The following UTRN variants were observed in gnomAD, a reference collection of about 807,000 sequenced individuals.
UTRN encodes the protein utrophin.
A neutral mutation model predicts 463.9 loss-of-function variants in UTRN; 283 were observed. The observed-to-expected ratio is 0.61, with a 90% confidence interval of 0.55 to 0.67. UTRN has a LOEUF of 0.67. Among genes scored for constraint, UTRN ranks in the 30% least tolerant of loss-of-function variants. The probability of loss-of-function intolerance (pLI) is 0.00; values close to 1 mark genes in which losing one functional copy is unlikely to be tolerated. For synonymous variants in UTRN, 1,442 were observed against 1,431.5 expected (o/e 1.01, Z -0.17); for missense variants, 3,922 against 4,084.3 (o/e 0.96, Z 1.08).
intron 12 of UTRN, 57 bp downstream of exon 12, chr6:144,438,952 G>A (rs1246366040): frequency 1.9e-6 from 3 of 1,566,160 alleles, no homozygotes; most frequent in African/African-American, 2.7e-5. Flanking sequence ...GCAGCACTTA[G>A]CATCTCAGAG....
Position 144,851,193 on chromosome 6 carries a change from A to G in UTRN, c.*196A>G. On this transcript the variant is annotated 3_prime_UTR_variant, in exon 75 of 75. Transcript: ENST00000367545. Reference sequence around the variant, plus strand: ...TGGATATTTTGTTTTTATAATAACCATATATTATTGTTTTCTTCTTCCCTT... The same window carrying G: ...TGGATATTTTGTTTTTATAATAACCGTATATTATTGTTTTCTTCTTCCCTT... 3.0e-6 allele frequency: 2 copies of G among 657,556 alleles called. No homozygotes were observed. The highest frequency in any genetic ancestry group is 2.8e-5 in the East Asian group (1 of 36,346). 40.7% of individuals were successfully genotyped at this position (657,556 alleles called of 1,614,324 possible).
At chr6:144,348,039 A>G (rs1415066794) in intron 2 of UTRN, among the ~76,000 whole-genome samples, 1 of 151,582 alleles carries the variant, frequency 6.6e-6, no homozygotes, top group African/African-American at 2.4e-5. Flanking sequence ...TAGAGATGGG[A>G]TCTCACTATG....
At chr6:144,656,600 T>C (rs986665351) in intron 51 of UTRN, among the ~76,000 whole-genome samples, 1 of 152,172 alleles carries the variant, frequency 6.6e-6, no homozygotes, top group Non-Finnish European at 1.5e-5. Flanking sequence ...CTTTATCTTA[T>C]AGATATCAAA....
intron 51 of UTRN, among the ~76,000 whole-genome samples, chr6:144,597,487 G>A (rs1803779207): frequency 6.6e-6 from 1 of 152,142 alleles, no homozygotes; most frequent in Non-Finnish European, 1.5e-5. Flanking sequence ...TGTCCTTTAT[G>A]AAAGCTGTCA....
intron 2 of UTRN, 54 bp from the exon 3 acceptor site, chr6:144,403,069 C>T (rs1783066561): frequency 6.6e-7 from 1 of 1,514,380 alleles, no homozygotes. Context: ...TGGTGCTTTA[C>T]TAAAGGTACA....
At chr6:144,710,140 T>A (rs1332811762) in intron 53 of UTRN, among the ~76,000 whole-genome samples, 2 of 152,218 alleles carry the variant, frequency 1.3e-5, no homozygotes, top group Admixed American at 6.5e-5. Flanking sequence ...CATTTAAATG[T>A]TTAGGTGATG....
At chr6:144,384,944 C>A (rs538144720) in intron 2 of UTRN, among the ~76,000 whole-genome samples, 1 of 152,120 alleles carries the variant, frequency 6.6e-6, no homozygotes, top group Admixed American at 6.5e-5. Context: ...TACTCAGATC[C>A]CGTTTCTCCT....
intron 44 of UTRN, among the ~76,000 whole-genome samples, chr6:144,537,994 A>G (rs577594822): frequency 2.0e-5 from 3 of 152,332 alleles, no homozygotes; most frequent in Admixed American, 1.3e-4. Context: ...TTATCATTTT[A>G]AAATACAATA....
intron 7 of UTRN, among the ~76,000 whole-genome samples, chr6:144,427,573 G>A (rs1562382233): frequency 6.6e-6 from 1 of 152,128 alleles, no homozygotes; most frequent in East Asian, 1.9e-4. Context: ...TTGAATTGGT[G>A]ATAGTGGGCA....
At chr6:144,416,286 T>C (rs1784359659) in intron 3 of UTRN, among the ~76,000 whole-genome samples, 1 of 152,214 alleles carries the variant, frequency 6.6e-6, no homozygotes, top group African/African-American at 2.4e-5. Flanking sequence ...GTTATACATA[T>C]AAATTCAGAT....
At position 144,836,335 on chromosome 6, in the gene UTRN, C is replaced by T; in HGVS notation, c.9859C>T (p.Gln3287Ter). 1 of 1,614,126 alleles carries T rather than the reference C, an allele frequency of 6.2e-7. No homozygotes were observed. The highest frequency in any genetic ancestry group is 8.5e-7 in the Non-Finnish European group (1 of 1,179,994). Residue 3287 changes from glutamine to a stop codon, truncating the protein, a stop_gained, in exon 71 of 75, where the codon CAG (glutamine) becomes TAG (stop). Coordinates refer to ENST00000367545, the MANE Select transcript of UTRN (RefSeq NM_007124.3). LOFTEE classifies it high-confidence loss of function. Reference protein sequence around the residue: ...LQVEYEQLKDQHLRRGLPVGS... With the variant: ...LQVEYEQLKD ...GGTGGAGTATGAGCAGCTGAAGGAC[C>T]AGCACCTCCGAAGGGGGCTCCCTGT...
chr6:144,625,426 T>C (rs1201157081), intron 51 of UTRN, among the ~76,000 whole-genome samples: 1 of 152,256 alleles, frequency 6.6e-6, no homozygotes, highest in East Asian at 1.9e-4. Context: ...GAGGTATTTA[T>C]CTGCATATTT....
intron 10 of UTRN, among the ~76,000 whole-genome samples, chr6:144,437,009 G>A (rs1197897849): frequency 2.7e-5 from 4 of 149,516 alleles, no homozygotes; most frequent in Non-Finnish European, 5.9e-5. Flanking sequence ...CTGGAGTGCA[G>A]TGGCACAATC....
intron 58 of UTRN, among the ~76,000 whole-genome samples, chr6:144,765,548 G>C (rs1204217707): frequency 6.6e-6 from 1 of 152,056 alleles, no homozygotes; most frequent in Non-Finnish European, 1.5e-5. Flanking sequence ...TGAGTAGCTG[G>C]GACTACAGGT....
At chr6:144,567,835 A>T (rs186679088) in intron 50 of UTRN, among the ~76,000 whole-genome samples, 1 of 152,178 alleles carries the variant, frequency 6.6e-6, no homozygotes. Context: ...TGCTCTTTTC[A>T]TTAAACTCTT....
At chr6:144,821,158 A>G (rs1452296179) in intron 66 of UTRN, 140 bp downstream of exon 66, 3 of 1,106,578 alleles carry the variant, frequency 2.7e-6, no homozygotes, top group Non-Finnish European at 3.7e-6. Context: ...CAGTCTTCAC[A>G]ACATGAATTT....
At chr6:144,724,369 C>T (rs1357351238) in intron 53 of UTRN, among the ~76,000 whole-genome samples, 2 of 151,592 alleles carry the variant, frequency 1.3e-5, no homozygotes, top group African/African-American at 2.4e-5. Flanking sequence ...GCTGGGACTA[C>T]AGGCACCCGC....
At chr6:144,793,424 A>G (rs1490620038) in intron 62 of UTRN, among the ~76,000 whole-genome samples, 3 of 152,112 alleles carry the variant, frequency 2.0e-5, no homozygotes, top group Admixed American at 2.0e-4. Context: ...TATTCCTTTG[A>G]CAAGTCATGA....
At position 144,771,961 on chromosome 6, in the gene UTRN, A is replaced by T; in HGVS notation, c.8550A>T (p.Gln2850His). Residue 2850 changes from glutamine (Q) to histidine (H), a missense_variant, in exon 59 of 75, where the codon CAA becomes CAT. By Grantham distance (24) the Gln-to-His change is conservative. Transcript: ENST00000367545. ...ATCCTAAAATGACCGAACTCTTTCAATCCCTTGGTAAGTGTTATTAATAGT... is the reference window on the plus strand; with the variant it reads ...ATCCTAAAATGACCGAACTCTTTCATTCCCTTGGTAAGTGTTATTAATAGT... ...WDHPKMTELFQSLADLNNVRF... is the reference protein window; with the variant it reads ...WDHPKMTELFHSLADLNNVRF... 1 of 1,571,130 alleles carries T rather than the reference A, an allele frequency of 6.4e-7. No individual in the cohort carries two copies. Among genetic ancestry groups the T allele is most frequent in the Non-Finnish European group, 8.6e-7 (1 of 1,159,398 alleles).
Sources: allele counts gnomAD v4.1 joint callset (sites outside exome capture counted in the v4.1 genomes callset), GRCh38; gene constraint gnomAD v4.1.1; transcripts MANE v1.5; gene names NCBI Gene and HGNC (gene_info 2026-07-23, HGNC 2026-07-21).